The following ITGA8 variants were observed in gnomAD, a reference collection of about 807,000 sequenced individuals.
ITGA8 encodes the protein integrin subunit alpha 8.
In ITGA8, 91 loss-of-function variants were observed where a neutral mutation model predicts 142.3. That is an observed-to-expected ratio of 0.64 (90% CI 0.54 to 0.76). The LOEUF is 0.76. ITGA8 is among the 30% of genes least tolerant of loss of function. ITGA8 has a pLI of 0.00. For missense variants in ITGA8, 1,406 were observed against 1,327.7 expected (o/e 1.06, Z -0.92); for synonymous variants, 505 against 485.2 (o/e 1.04, Z -0.54).
intron 11 of ITGA8, among the ~76,000 whole-genome samples, chr10:15,648,649 G>A (rs1363594616): frequency 6.6e-6 from 1 of 151,946 alleles, no homozygotes; most frequent in African/African-American, 2.4e-5. Flanking sequence ...TCAAAAGTCA[G>A]GGATGAGGTG....
chr10:15,704,758 A>G (rs1835227028), intron 2 of ITGA8, among the ~76,000 whole-genome samples: 1 of 152,100 alleles, frequency 6.6e-6, no homozygotes, highest in South Asian at 2.1e-4. Flanking sequence ...CAGGAAGGTG[A>G]CTCACTGACA....
At chr10:15,639,614 C>T (rs1833835297) in intron 13 of ITGA8, among the ~76,000 whole-genome samples, 2 of 152,242 alleles carry the variant, frequency 1.3e-5, no homozygotes, top group Non-Finnish European at 2.9e-5. Context: ...CCCGCTTGAT[C>T]TCTGCATCAG....
intron 12 of ITGA8, among the ~76,000 whole-genome samples, chr10:15,646,309 T>A (rs1833979918): frequency 6.6e-6 from 1 of 152,226 alleles, no homozygotes; most frequent in South Asian, 2.1e-4. Flanking sequence ...ACATTTGAGA[T>A]GTTATTTTGA....
intron 11 of ITGA8, among the ~76,000 whole-genome samples, chr10:15,652,447 AT>A (rs58299147): frequency 0.067 from 9,687 of 145,490 alleles, 410 homozygotes; most frequent in Non-Finnish European, 0.094. Context: ...CCACAGTGGG[AT>A]TTTTTTTTTT....
intron 2 of ITGA8, among the ~76,000 whole-genome samples, chr10:15,694,341 A>AGATAATATATAT (rs1158258211): frequency 2.0e-4 from 2 of 10,112 alleles, no homozygotes; most frequent in Non-Finnish European, 1.1e-3. Flanking sequence ...ATCATATATC[A>AGATAATATATAT]GATAATATAT....
chr10:15,701,259 G>A (rs1259983276), intron 2 of ITGA8, among the ~76,000 whole-genome samples: 1 of 152,182 alleles, frequency 6.6e-6, no homozygotes. Flanking sequence ...GAATATACAG[G>A]TGTCATTGGC....
At chr10:15,562,224 C>T (rs371461577) in intron 25 of ITGA8, among the ~76,000 whole-genome samples, 1 of 152,228 alleles carries the variant, frequency 6.6e-6, no homozygotes, top group South Asian at 2.1e-4. Context: ...AGAGCTATTG[C>T]GTAGGAAGGA....
At chr10:15,704,523 C>T (rs144325688) in intron 2 of ITGA8, among the ~76,000 whole-genome samples, 1 of 152,162 alleles carries the variant, frequency 6.6e-6, no homozygotes, top group Non-Finnish European at 1.5e-5. Context: ...CAGCTTTCTT[C>T]GTACTTGAAT....
chr10:15,537,492 A>G (rs141152177), intron 27 of ITGA8, among the ~76,000 whole-genome samples: 73 of 152,270 alleles, frequency 4.8e-4, no homozygotes, highest in Non-Finnish European at 8.5e-4. Flanking sequence ...CTTGCACTAA[A>G]TATTTATTGT....
At chr10:15,697,888 G>T (rs900433885) in intron 2 of ITGA8, among the ~76,000 whole-genome samples, 4 of 152,104 alleles carry the variant, frequency 2.6e-5, no homozygotes, top group Non-Finnish European at 4.4e-5. Context: ...AAAGAAAAAT[G>T]GTATTATATT....
chr10:15,653,538 A>T (rs914238492), intron 11 of ITGA8, among the ~76,000 whole-genome samples: 6 of 152,196 alleles, frequency 3.9e-5, no homozygotes, highest in African/African-American at 1.4e-4. Flanking sequence ...CATTGAATTC[A>T]CACTTGGTAT....
At chr10:15,647,503 C>T (rs555871450) in intron 11 of ITGA8, among the ~76,000 whole-genome samples, 4 of 142,386 alleles carry the variant, frequency 2.8e-5, no homozygotes, top group South Asian at 4.5e-4. Context: ...TCGCCCAGGC[C>T]GGACTGCGGA....
chr10:15,546,273 A>T (rs1564345122), intron 27 of ITGA8, among the ~76,000 whole-genome samples: 2 of 152,188 alleles, frequency 1.3e-5, no homozygotes, highest in East Asian at 3.9e-4. Flanking sequence ...CACTGAGATA[A>T]CAGCCCTGTG....
chr10:15,679,407 C>A (rs962781758), intron 4 of ITGA8, among the ~76,000 whole-genome samples: 1 of 152,064 alleles, frequency 6.6e-6, no homozygotes. Flanking sequence ...ACATGGTGAA[C>A]CCCATCTCCA....
chr10:15,718,095 T>G (rs1195382013), intron 2 of ITGA8, among the ~76,000 whole-genome samples: 1 of 152,242 alleles, frequency 6.6e-6, no homozygotes, highest in Non-Finnish European at 1.5e-5. Context: ...GCATCGCATT[T>G]AAATTATTTT....
intron 27 of ITGA8, among the ~76,000 whole-genome samples, chr10:15,532,047 G>A (rs113144097): frequency 1.2e-5 from 1 of 81,838 alleles, no homozygotes; most frequent in Non-Finnish European, 2.4e-5. Flanking sequence ...GGGTGGGGGT[G>A]GGGGGGCCTG....
At chr10:15,593,717 A>G (rs934707946) in intron 21 of ITGA8, among the ~76,000 whole-genome samples, 6 of 152,156 alleles carry the variant, frequency 3.9e-5, no homozygotes, top group Non-Finnish European at 1.5e-5. Context: ...TACATTTGTC[A>G]TATCATTCAT....
At chr10:15,541,591 C>T (rs1480433307) in intron 27 of ITGA8, among the ~76,000 whole-genome samples, 4 of 152,144 alleles carry the variant, frequency 2.6e-5, no homozygotes, top group Admixed American at 2.6e-4. Flanking sequence ...ACCAGCCAAG[C>T]CTAACATTTG....
chr10:15,668,147 G>A (rs1834433450), intron 8 of ITGA8, among the ~76,000 whole-genome samples: 1 of 152,088 alleles, frequency 6.6e-6, no homozygotes. Flanking sequence ...TTATTGTGTG[G>A]GAGTCTAAGT....
Sources: gnomAD v4.1 joint callset for allele counts (sites outside exome capture counted in the v4.1 genomes callset) on GRCh38, gnomAD v4.1.1 for gene constraint, MANE v1.5 for transcripts, NCBI Gene and HGNC (gene_info 2026-07-23, HGNC 2026-07-21) for gene names.